HSD11B1L: variants seen among roughly 807,000 people sequenced by gnomAD.
HSD11B1L encodes the protein hydroxysteroid 11-beta dehydrogenase 1 like.
HSD11B1L carries 22 observed loss-of-function variants against 27.0 expected under a neutral mutation model. The ratio of observed to expected loss-of-function variants is 0.81; its 90% CI spans 0.58 to 1.16. HSD11B1L has a LOEUF of 1.16. Among genes scored for constraint, HSD11B1L ranks in the 50% most tolerant of loss-of-function variants. The probability of loss-of-function intolerance (pLI) is 0.00; values close to 1 mark genes in which losing one functional copy is unlikely to be tolerated. For synonymous variants in HSD11B1L, 187 were observed against 189.2 expected (o/e 0.99, Z 0.09); for missense variants, 372 against 401.8 (o/e 0.93, Z 0.63).
At chr19:5,686,353 T>G (rs1599425594) in intron 3 of HSD11B1L, 63 bp from the exon 4 acceptor site, 7 of 1,123,458 alleles carry the variant, frequency 6.2e-6, no homozygotes, top group Middle Eastern at 2.9e-4. Context: ...GGCCAGCAGG[T>G]GCGGTGGAGG....
rs763068409 is a variant in HSD11B1L, at chr19:5,687,495, GC to G, written c.503-3del. On this transcript the variant is annotated splice_polypyrimidine_tract_variant and splice_region_variant and intron_variant, in intron 6 of 7. Coordinates refer to ENST00000339423, the MANE Select transcript of HSD11B1L (RefSeq NM_198706.3). This position sits in a 1 kb window ranked among gnomAD's most constrained non-coding sequence, Gnocchi z 6.6. Reference sequence around the variant, plus strand: ...GAGCCACTCAGCCGCTGCCGTCCGCGCCCCCAGGCCGCGTGCCCACGTCGTT... The same window carrying G: ...GAGCCACTCAGCCGCTGCCGTCCGCGCCCCAGGCCGCGTGCCCACGTCGTT... The G allele has an allele frequency of 1.3e-3, 2,016 of 1,591,940 alleles. 1 individual carries two copies. The highest frequency in any genetic ancestry group is 1.4e-3 in the Non-Finnish European group (1,589 of 1,174,690).
chr19:5,686,703 C>T (rs1269056515), intron 4 of HSD11B1L, among the ~76,000 whole-genome samples, 176 bp downstream of exon 4: 2 of 152,132 alleles, frequency 1.3e-5, no homozygotes, highest in African/African-American at 4.8e-5. Flanking sequence ...GAGCTCTGAA[C>T]GGGGCCTCGT....
In HSD11B1L at chr19:5,685,418, A is replaced by C. The variant is rs2054663534; in HGVS notation, c.204+299A>C. The C allele has an allele frequency of 2.1e-6, 1 of 482,114 alleles. No homozygotes were observed. The highest frequency in any genetic ancestry group is 2.0e-5 in the African/African-American group (1 of 51,186). The allele number at this position is 482,114 out of a possible 1,614,324, so 29.9% of individuals were successfully genotyped here. On this transcript the variant is annotated intron_variant, in intron 3 of 7. Transcript: ENST00000339423. This position sits in a 1 kb window ranked among gnomAD's most constrained non-coding sequence, Gnocchi z 4.3. Reference sequence around the variant, plus strand: ...TGGCGAAACCTGGTCTCTACTAAGAAGACAAAAATTAGGCCAGGCATGGTG... The same window carrying C: ...TGGCGAAACCTGGTCTCTACTAAGACGACAAAAATTAGGCCAGGCATGGTG...
chr19:5,687,264 C>A lies in HSD11B1L; in HGVS notation c.409-18C>A. The A allele has an allele frequency of 6.2e-7, 1 of 1,611,026 alleles. No individual in the cohort carries two copies. Among genetic ancestry groups the A allele is most frequent in the Non-Finnish European group, 8.5e-7 (1 of 1,179,322 alleles). On this transcript the variant is annotated intron_variant, in intron 5 of 7. Transcript: ENST00000339423. The surrounding 1 kb of genome is among the most constrained non-coding windows in gnomAD (Gnocchi z 6.6). ...CTGGGCTCCGCCTCTGCCGGTGACTCGCGAGTGCCGCCTGCAGGTAAACTT... is the reference window on the plus strand; with the variant it reads ...CTGGGCTCCGCCTCTGCCGGTGACTAGCGAGTGCCGCCTGCAGGTAAACTT...
rs765805593 is a variant in HSD11B1L at position 5,687,952 on chromosome 19, G to A, written c.*7G>A. ...CACGGCCGCGGCAGCCTGAGCACCG[G>A]GGGGTGCCCCTCCAGTCCCAGACGG... On this transcript the variant is annotated 3_prime_UTR_variant, in exon 8 of 8. Coordinates refer to ENST00000339423, the MANE Select transcript of HSD11B1L (RefSeq NM_198706.3). The surrounding 1 kb of genome is among the most constrained non-coding windows in gnomAD (Gnocchi z 6.6). 1 of 1,558,950 alleles carries A rather than the reference G, an allele frequency of 6.4e-7. No individual in the cohort carries two copies. The highest frequency in any genetic ancestry group is 8.7e-7 in the Non-Finnish European group (1 of 1,150,944).
chr19:5,687,297 T>C lies in HSD11B1L; in HGVS notation c.424T>C (p.Tyr142His). ...CCGCCTGCAGGTAAACTTTGTGAGC[T>C]ACGTGCAACTGACGTCGCGGGCGCT... is the stretch of plus-strand genomic sequence containing the variant. The part of the protein sequence containing the change: ...RWLMQVNFVS[Y>H]VQLTSRALPS... Residue 142 changes from tyrosine to histidine, a missense_variant, in exon 6 of 8, where the codon TAC (tyrosine) becomes CAC (histidine). By Grantham distance (83) the Tyr-to-His change is moderately conservative. Coordinates refer to ENST00000339423, the MANE Select transcript of HSD11B1L (RefSeq NM_198706.3). The surrounding 1 kb of genome is among the most constrained non-coding windows in gnomAD (Gnocchi z 6.6). 6.2e-7 allele frequency: 1 copy of C among 1,612,738 alleles called. No individual in the cohort carries two copies.
intron 1 of HSD11B1L, among the ~76,000 whole-genome samples, chr19:5,683,208 CAAA>C (rs1168433209): frequency 9.8e-5 from 5 of 51,094 alleles, no homozygotes; most frequent in Admixed American, 2.1e-4. Context: ...AACTCAGTCT[CAAA>C]AAAAAAAAAA....
intron 1 of HSD11B1L, 54 bp from the exon 2 acceptor site, chr19:5,684,765 G>A (rs747659804): frequency 1.9e-6 from 3 of 1,610,372 alleles, no homozygotes; most frequent in South Asian, 2.2e-5. Flanking sequence ...ACCAAACACG[G>A]GTGGCTGTGG....
At position 5,687,103 on chromosome 19, in the gene HSD11B1L, G is replaced by A. The variant is rs779790468; in HGVS notation, c.408+112G>A. On this transcript the variant is annotated intron_variant, in intron 5 of 7. Coordinates refer to ENST00000339423, the MANE Select transcript of HSD11B1L (RefSeq NM_198706.3). The surrounding 1 kb of genome is among the most constrained non-coding windows in gnomAD (Gnocchi z 6.6). ...CCAGGGAGGGCTCTCCACCCGTCCCGCCCCAGCCACGCCCCTCCTAGCCCA... is the reference window on the plus strand; with the variant it reads ...CCAGGGAGGGCTCTCCACCCGTCCCACCCCAGCCACGCCCCTCCTAGCCCA... 4.6e-6 allele frequency: 5 copies of A among 1,082,936 alleles called. No individual in the cohort carries two copies. The South Asian group carries it at 5.8e-5, about 13-fold the overall frequency. 67.1% of individuals were successfully genotyped at this position (1,082,936 alleles called of 1,614,324 possible).
At chr19:5,684,657 C>T (rs957868035) in intron 1 of HSD11B1L, 162 bp from the exon 2 acceptor site, 18 of 1,101,304 alleles carry the variant, frequency 1.6e-5, no homozygotes, top group African/African-American at 9.5e-5. Context: ...CATGGAGCCG[C>T]GGTGGTTCAT....
chr19:5,684,233 C>T, intron 1 of HSD11B1L: 1 of 339,600 alleles, frequency 2.9e-6, no homozygotes. Context: ...CCAGGCTGGT[C>T]TCGAACTCCT....
chr19:5,681,614 C>T (rs1338240295), intron 1 of HSD11B1L, among the ~76,000 whole-genome samples: 1 of 151,860 alleles, frequency 6.6e-6, no homozygotes, highest in Non-Finnish European at 1.5e-5. Flanking sequence ...ACCCACTCAT[C>T]TATCCGTCCA....
rs769712221 is a variant in HSD11B1L at position 5,687,287 on chromosome 19, CTT to C, written c.416_417del (p.Phe139CysfsTer178). 3.1e-6 allele frequency: 5 copies of C among 1,612,602 alleles called. No individual in the cohort carries two copies. In the South Asian group the frequency reaches 4.4e-5, roughly 14 times the overall value. On this transcript the variant is annotated frameshift_variant, in exon 6 of 8. Coordinates refer to ENST00000339423, the MANE Select transcript of HSD11B1L (RefSeq NM_198706.3). LOFTEE classifies it high-confidence loss of function. The surrounding 1 kb of genome is among the most constrained non-coding windows in gnomAD (Gnocchi z 6.6). ...CTCGCGAGTGCCGCCTGCAGGTAAA[CTT>C]TGTGAGCTACGTGCAACTGACGTCG... The part of the protein sequence containing the change: ...QATRWLMQVN[F>X]VSYVQLTSRA...
chr19:5,684,944 G>C (rs755866527), intron 2 of HSD11B1L, 39 bp downstream of exon 2: 7 of 1,612,710 alleles, frequency 4.3e-6, no homozygotes, highest in Non-Finnish European at 5.9e-6. Context: ...AACCGGGCCA[G>C]CTGTCCTGTC....
intron 1 of HSD11B1L, among the ~76,000 whole-genome samples, chr19:5,682,466 A>G (rs2054581148): frequency 6.6e-6 from 1 of 152,006 alleles, no homozygotes; most frequent in Non-Finnish European, 1.5e-5. Flanking sequence ...GAGAGGGAGA[A>G]CTGATAAGAT....
chr19:5,686,327 G>A, intron 3 of HSD11B1L, 89 bp from the exon 4 acceptor site: 2 of 885,192 alleles, frequency 2.3e-6, no homozygotes, highest in East Asian at 2.7e-5. Flanking sequence ...GGGTTTTCAG[G>A]CGGGGGCCTC....
Position 5,687,219 on chromosome 19 carries a change from T to G in HSD11B1L, c.409-63T>G. 1.9e-6 allele frequency: 3 copies of G among 1,543,916 alleles called. No individual in the cohort carries two copies. The highest frequency in any genetic ancestry group is 1.8e-6 in the Non-Finnish European group (2 of 1,137,178). ...CCCGGCCCTGGCCCCGCCCTCTGGG[T>G]TTCTGGCCCCGCCCTGCCCCTGGGC... On this transcript the variant is annotated intron_variant, in intron 5 of 7. Coordinates refer to ENST00000339423, the MANE Select transcript of HSD11B1L (RefSeq NM_198706.3). This position sits in a 1 kb window ranked among gnomAD's most constrained non-coding sequence, Gnocchi z 6.6.
Position 5,686,496 on chromosome 19 carries a change from G to C in HSD11B1L, c.285G>C (p.Glu95Asp), listed in dbSNP as rs1233773654. ...AADMASPEAP[E>D]SVVQFALDKL... ...ACATGGCCTCCCCTGAGGCGCCCGA[G>C]AGCGTGGTGCAGTTTGCGCTGGACA... The change falls in exon 4 of 8, where the codon GAG becomes GAC. Residue 95 changes from glutamate to aspartate, a missense_variant. By Grantham distance (45) the Glu-to-Asp change is conservative. Transcript: ENST00000339423. The C allele has an allele frequency of 1.9e-6, 3 of 1,584,652 alleles. No individual in the cohort carries two copies. The African/African-American group carries it at 4.0e-5, about 21-fold the overall frequency.
At chr19:5,686,328 C>A in intron 3 of HSD11B1L, 88 bp from the exon 4 acceptor site, 1 of 887,080 alleles carries the variant, frequency 1.1e-6, no homozygotes, top group Non-Finnish European at 1.7e-6. Flanking sequence ...GGTTTTCAGG[C>A]GGGGGCCTCC....
Sources: gnomAD v4.1 joint callset for allele counts (sites outside exome capture counted in the v4.1 genomes callset) on GRCh38, gnomAD v4.1.1 for gene constraint, Gnocchi (gnomAD v3.1) non-coding constraint, MANE v1.5 for transcripts, NCBI Gene and HGNC (gene_info 2026-07-23, HGNC 2026-07-21) for gene names.